MARK1: variants seen among roughly 807,000 people sequenced by gnomAD.
MARK1 encodes serine/threonine-protein kinase MARK1.
Under a neutral mutation model 96.3 loss-of-function variants are expected in MARK1, and 40 were observed. The ratio of observed to expected loss-of-function variants is 0.42; its 90% confidence interval spans 0.32 to 0.54. MARK1 has a LOEUF of 0.54. MARK1 is among the 20% of genes least tolerant of loss of function. MARK1 has a pLI of 0.16. For missense variants in MARK1, 719 were observed against 984.6 expected, an observed-to-expected ratio of 0.73 and a Z score of 3.61; for synonymous variants, 317 against 341.2, an observed-to-expected ratio of 0.93 and a Z score of 0.78.
intron 3 of MARK1, among the ~76,000 whole-genome samples, chr1:220,588,494 T>G (rs910418416): frequency 2.1e-4 from 32 of 152,322 alleles, no homozygotes; most frequent in African/African-American, 7.7e-4. Context: ...CTGTTGTAGT[T>G]ATAAATCATC....
intron 10 of MARK1, 40 bp from the exon 11 acceptor site, chr1:220,632,161 A>G: frequency 2.9e-6 from 3 of 1,022,214 alleles, no homozygotes; most frequent in Non-Finnish European, 4.2e-6. Context: ...TTACGAAAAT[A>G]AAACCATTTT....
In MARK1 at chr1:220,661,966, T is replaced by A; in HGVS notation, c.2188T>A (p.Cys730Ser). The A allele has an allele frequency of 6.2e-7, 1 of 1,614,154 alleles. No homozygotes were observed. Among genetic ancestry groups the A allele is most frequent in the East Asian group, 2.2e-5 (1 of 44,884 alleles). Reference sequence around the variant, plus strand: ...CCGAAAAGTGTTAGATGCAAATAACTGTGATTATGAGCAAAAAGAGAGATT... The same window carrying A: ...CCGAAAAGTGTTAGATGCAAATAACAGTGATTATGAGCAAAAAGAGAGATT... ...EIRKVLDANN[C>S]DYEQKERFLL... is the part of the protein sequence containing the mutation. The change falls in exon 18 of 18, where the codon TGT becomes AGT. Residue 730 changes from cysteine to serine, a missense_variant. Around this residue, in one of 4 missense-constraint regions of MARK1, gnomAD observed 501 missense variants for 588.3 expected, o/e 0.85. Transcript: ENST00000366917.
intron 13 of MARK1, among the ~76,000 whole-genome samples, chr1:220,639,516 T>C (rs1020639333): frequency 5.3e-5 from 8 of 152,152 alleles, no homozygotes; most frequent in African/African-American, 2.4e-5. Flanking sequence ...AGTTTTTCAT[T>C]CTCCAGAGTG....
intron 3 of MARK1, among the ~76,000 whole-genome samples, chr1:220,596,055 T>C (rs1364871317): frequency 1.3e-5 from 2 of 152,080 alleles, no homozygotes; most frequent in Non-Finnish European, 2.9e-5. Flanking sequence ...AGTGAAAATA[T>C]TGAGTAGGTA....
intron 1 of MARK1, among the ~76,000 whole-genome samples, chr1:220,551,401 G>A (rs922512186): frequency 6.6e-6 from 1 of 152,206 alleles, no homozygotes; most frequent in Non-Finnish European, 1.5e-5. Context: ...GGGAAACGGA[G>A]TTCCAGTTTA....
Position 220,598,398 on chromosome 1 carries a change from T to TATATTA in MARK1, c.358+19_358+20insATATTA, listed in dbSNP as rs1553326399. 4.8e-6 allele frequency: 1 copy of TATATTA among 206,572 alleles called. No homozygotes were observed. The highest frequency in any genetic ancestry group is 9.2e-5 in the South Asian group (1 of 10,850). 12.8% of individuals were successfully genotyped at this position (206,572 alleles called of 1,614,324 possible). A position where few individuals can be genotyped will look rare whatever the true frequency, so the allele number is the denominator to read the frequency against. ...AATATAGGTATGAAATATATATATA[T>TATATTA]TATATATATATATATATATAATTAG... On this transcript the variant is annotated intron_variant, in intron 4 of 17. Transcript: ENST00000366917.
chr1:220,605,718 A>G (rs1311757005), intron 6 of MARK1, among the ~76,000 whole-genome samples: 4 of 147,404 alleles, frequency 2.7e-5, no homozygotes, highest in East Asian at 4.0e-4. Context: ...CCTGTGTCCA[A>G]GTGATCTCAT....
chr1:220,586,556 CTT>C (rs1363532673), intron 3 of MARK1, among the ~76,000 whole-genome samples: 1 of 152,138 alleles, frequency 6.6e-6, no homozygotes, highest in African/African-American at 2.4e-5. Flanking sequence ...TTTGTTGACA[CTT>C]TTTGTTTCTG....
chr1:220,633,639 G>C (rs1667792665), intron 11 of MARK1, among the ~76,000 whole-genome samples: 1 of 152,166 alleles, frequency 6.6e-6, no homozygotes, highest in African/African-American at 2.4e-5. Context: ...AGGTGGACAT[G>C]TACCTACAAC....
At chr1:220,617,211 G>A (rs1666804696) in intron 7 of MARK1, among the ~76,000 whole-genome samples, 1 of 152,098 alleles carries the variant, frequency 6.6e-6, no homozygotes, top group Admixed American at 6.6e-5. Context: ...TAGTATTTAT[G>A]TGATAAATTA....
intron 3 of MARK1, among the ~76,000 whole-genome samples, chr1:220,590,149 T>C (rs776644508): frequency 6.6e-6 from 1 of 152,190 alleles, no homozygotes; most frequent in Non-Finnish European, 1.5e-5. Flanking sequence ...CTTTCTTTCA[T>C]GCAGCCAGCT....
chr1:220,549,704 C>T (rs1393171359), intron 1 of MARK1, among the ~76,000 whole-genome samples: 2 of 152,082 alleles, frequency 1.3e-5, no homozygotes, highest in African/African-American at 2.4e-5. Flanking sequence ...TGGGAATGGA[C>T]GTATTTGTGG....
At chr1:220,578,596 T>C (rs548688985) in intron 1 of MARK1, among the ~76,000 whole-genome samples, 2 of 152,304 alleles carry the variant, frequency 1.3e-5, no homozygotes, top group South Asian at 4.1e-4. Context: ...CTTTGAGTTA[T>C]ATGCCCAGAA....
intron 5 of MARK1, among the ~76,000 whole-genome samples, chr1:220,601,157 A>T (rs1286949401): frequency 6.6e-6 from 1 of 152,104 alleles, no homozygotes; most frequent in Non-Finnish European, 1.5e-5. Flanking sequence ...TGACCTCGTG[A>T]TCTGCCTGCC....
At chr1:220,637,275 A>G (rs536912321) in intron 13 of MARK1, among the ~76,000 whole-genome samples, 17 of 152,348 alleles carry the variant, frequency 1.1e-4, no homozygotes, top group Middle Eastern at 3.4e-3. Context: ...AAAATTCAGA[A>G]TCAAAACTCT....
At chr1:220,647,596 A>C (rs1042086352) in intron 13 of MARK1, among the ~76,000 whole-genome samples, 3 of 152,176 alleles carry the variant, frequency 2.0e-5, no homozygotes, top group African/African-American at 7.2e-5. Flanking sequence ...ATGCACACTT[A>C]TGTTCATTGC....
chr1:220,569,480 C>T (rs1663289110), intron 1 of MARK1, among the ~76,000 whole-genome samples: 1 of 151,864 alleles, frequency 6.6e-6, no homozygotes, highest in Admixed American at 6.6e-5. Flanking sequence ...GCTGAACTGT[C>T]GATTCTTTCT....
intron 13 of MARK1, among the ~76,000 whole-genome samples, chr1:220,638,230 A>G (rs1316326629): frequency 6.6e-6 from 1 of 151,938 alleles, no homozygotes; most frequent in Non-Finnish European, 1.5e-5. Context: ...TCTACCATTT[A>G]ATATTAACCT....
chr1:220,624,417 T>C (rs1330929566), intron 9 of MARK1, among the ~76,000 whole-genome samples: 1 of 151,330 alleles, frequency 6.6e-6, no homozygotes, highest in Non-Finnish European at 1.5e-5. Context: ...CTGACCGACA[T>C]GGAGAAACCC....
Sources: allele counts gnomAD v4.1 joint callset (sites outside exome capture counted in the v4.1 genomes callset), GRCh38; gene constraint gnomAD v4.1.1; regional missense constraint gnomAD v4.1.1; transcripts MANE v1.5; gene names NCBI Gene and HGNC (gene_info 2026-07-23, HGNC 2026-07-21).